Variants in ABCC1 observed in about 807,000 individuals in gnomAD.
ABCC1 encodes multidrug resistance-associated protein 1.
A neutral mutation model predicts 172.9 loss-of-function variants in ABCC1; 83 were observed. The observed-to-expected ratio is 0.48, with a 90% CI of 0.40 to 0.58. The LOEUF is 0.58. Among genes scored for constraint, ABCC1 ranks in the 20% least tolerant of loss-of-function variants. The pLI is 0.00. For missense variants in ABCC1, 1,817 were observed against 2,002.7 expected (o/e 0.91, Z 1.77); for synonymous variants, 937 against 825.2 (o/e 1.14, Z -2.32).
chr16:15,970,647 C>CT (rs2046346508), intron 1 of ABCC1, among the ~76,000 whole-genome samples: 2 of 152,210 alleles, frequency 1.3e-5, no homozygotes, highest in East Asian at 1.9e-4. Flanking sequence ...AGAATTGGGC[C>CT]TGTAGGACTT....
intron 1 of ABCC1, among the ~76,000 whole-genome samples, chr16:15,997,204 G>T (rs1325470188): frequency 1.3e-5 from 2 of 150,456 alleles, no homozygotes; most frequent in African/African-American, 4.9e-5. Context: ...CGATTCTCCT[G>T]TCTCAGCCTC....
chr16:16,104,075 G>A (rs1180909274), intron 20 of ABCC1, among the ~76,000 whole-genome samples: 1 of 152,044 alleles, frequency 6.6e-6, no homozygotes, highest in Non-Finnish European at 1.5e-5. Context: ...CTGGGTTTGT[G>A]CTCTGGCTGG....
intron 12 of ABCC1, among the ~76,000 whole-genome samples, chr16:16,061,307 C>A (rs1470792237): frequency 6.6e-6 from 1 of 152,220 alleles, no homozygotes; most frequent in East Asian, 1.9e-4. Flanking sequence ...ATTCATACAG[C>A]CGGACTTCGC....
intron 20 of ABCC1, among the ~76,000 whole-genome samples, chr16:16,103,251 G>T (rs148151242): frequency 6.6e-6 from 1 of 152,222 alleles, no homozygotes; most frequent in East Asian, 1.9e-4. Flanking sequence ...GATTTATAGC[G>T]TATGCAGTAT....
chr16:15,986,159 T>C (rs1036730107), intron 1 of ABCC1, among the ~76,000 whole-genome samples: 25 of 150,846 alleles, frequency 1.7e-4, no homozygotes, highest in Non-Finnish European at 3.0e-4. Flanking sequence ...GGTCTTGAAC[T>C]CCTGACCCCG....
intron 20 of ABCC1, among the ~76,000 whole-genome samples, chr16:16,104,005 C>T (rs542392461): frequency 1.3e-5 from 2 of 152,056 alleles, no homozygotes; most frequent in African/African-American, 2.4e-5. Context: ...AAGCTGCAGA[C>T]CTTCGCGGTA....
At chr16:16,022,015 A>G (rs1346479909) in intron 5 of ABCC1, among the ~76,000 whole-genome samples, 1 of 152,146 alleles carries the variant, frequency 6.6e-6, no homozygotes, top group Non-Finnish European at 1.5e-5. Context: ...ACTCTCAGGG[A>G]TTGAATCACA....
intron 7 of ABCC1, among the ~76,000 whole-genome samples, chr16:16,040,841 A>G (rs2048949304): frequency 6.6e-6 from 1 of 152,030 alleles, no homozygotes; most frequent in South Asian, 2.1e-4. Flanking sequence ...ATATTTAGGG[A>G]CAAGAGTGAA....
At chr16:16,109,908 G>T (rs1193154997) in intron 21 of ABCC1, among the ~76,000 whole-genome samples, 1 of 152,086 alleles carries the variant, frequency 6.6e-6, no homozygotes, top group Non-Finnish European at 1.5e-5. Context: ...ATCCTGACCC[G>T]AGTCTCCCAT....
chr16:16,039,858 CTCTG>C (rs2048905018), intron 7 of ABCC1, among the ~76,000 whole-genome samples: 4 of 152,030 alleles, frequency 2.6e-5, no homozygotes, highest in Admixed American at 2.6e-4. Flanking sequence ...AGTGCAAAGG[CTCTG>C]AGGACACTCG....
At chr16:15,951,164 A>G (rs554934233) in intron 1 of ABCC1, among the ~76,000 whole-genome samples, 6 of 152,150 alleles carry the variant, frequency 3.9e-5, no homozygotes, top group Admixed American at 6.5e-5. Context: ...ATTTTTTGCA[A>G]AGATTCACAT....
intron 23 of ABCC1, among the ~76,000 whole-genome samples, chr16:16,117,091 A>T (rs937862945): frequency 6.6e-6 from 1 of 152,186 alleles, no homozygotes; most frequent in East Asian, 1.9e-4. Context: ...TTTGGACCAC[A>T]GTTGACCATG....
chr16:16,035,709 G>T (rs1213302017), intron 6 of ABCC1, among the ~76,000 whole-genome samples: 1 of 151,358 alleles, frequency 6.6e-6, no homozygotes, highest in Non-Finnish European at 1.5e-5. Context: ...TGTCCAGGCT[G>T]GTCTTGAACT....
At chr16:16,002,694 C>G (rs1206398639) in intron 1 of ABCC1, among the ~76,000 whole-genome samples, 1 of 151,020 alleles carries the variant, frequency 6.6e-6, no homozygotes, top group African/African-American at 2.4e-5. Context: ...ATTGCTGGAG[C>G]CTGAGAGGTT....
chr16:16,053,324 GCC>G (rs1401576254), intron 11 of ABCC1, among the ~76,000 whole-genome samples: 3 of 151,936 alleles, frequency 2.0e-5, no homozygotes, highest in Non-Finnish European at 2.9e-5. Context: ...TTGCTGTGTT[GCC>G]CAGGCTGGTC....
chr16:16,052,982 T>C (rs1406975782), intron 11 of ABCC1, among the ~76,000 whole-genome samples, 166 bp downstream of exon 11: 1 of 152,188 alleles, frequency 6.6e-6, no homozygotes, highest in East Asian at 1.9e-4. Context: ...CGGCTGCATA[T>C]CTGGGATTCT....
chr16:16,116,196 G>A (rs181095287), intron 23 of ABCC1, among the ~76,000 whole-genome samples: 225 of 151,988 alleles, frequency 1.5e-3, no homozygotes, highest in African/African-American at 4.9e-3. Context: ...GAGCCACTGC[G>A]CCCGGCCCCT....
intron 30 of ABCC1, among the ~76,000 whole-genome samples, chr16:16,139,483 G>A (rs983438636): frequency 6.6e-6 from 1 of 151,514 alleles, no homozygotes; most frequent in African/African-American, 2.4e-5. Flanking sequence ...GTGGTGGTGC[G>A]TGCCCATAAT....
chr16:16,124,691 A>G (rs1264824557), intron 24 of ABCC1, 98 bp from the exon 25 acceptor site: 2 of 1,542,054 alleles, frequency 1.3e-6, no homozygotes, highest in Admixed American at 1.7e-5. Context: ...GAGTTACTTG[A>G]GTTAGCAAAG....
Sources: gnomAD v4.1 joint callset for allele counts (sites outside exome capture counted in the v4.1 genomes callset) on GRCh38, gnomAD v4.1.1 for gene constraint, MANE v1.5 for transcripts, NCBI Gene and HGNC (gene_info 2026-07-23, HGNC 2026-07-21) for gene names.